ATXN1: variants seen among roughly 807,000 people sequenced by gnomAD.
The protein encoded by ATXN1 is ataxin 1, also known as ataxin-1.
In ATXN1, 8 loss-of-function variants were observed where a neutral mutation model predicts 56.4. The ratio of observed to expected loss-of-function variants is 0.14; its 90% CI spans 0.08 to 0.26. ATXN1 has a LOEUF of 0.26. Among genes scored for constraint, ATXN1 ranks in the 10% least tolerant of loss-of-function variants. The probability of loss-of-function intolerance (pLI) is 1.00; values close to 1 mark genes in which losing one functional copy is unlikely to be tolerated. For missense variants in ATXN1, 987 were observed against 1,106.5 expected, an observed-to-expected ratio of 0.89 and a Z score of 1.53; for synonymous variants, 514 against 494.6, an observed-to-expected ratio of 1.04 and a Z score of -0.52.
In ATXN1 at chr6:16,563,475, C is replaced by T. The variant is rs73368754; in HGVS notation, c.-361+22305G>A. ...CTAGGCTGGTTAGGGGGCAGGAATA[C>T]GGAGCCTGAAGAAAGTGGCTATAGT... On this transcript the variant is annotated intron_variant, in intron 4 of 7. Coordinates refer to ENST00000436367, the MANE Select transcript of ATXN1 (RefSeq NM_001128164.2). 3.4e-3 allele frequency among the ~76,000 whole-genome samples: 513 copies of T among 152,124 alleles called. 1 individual carries two copies. The highest frequency in any genetic ancestry group is 0.012 in the African/African-American group (482 of 41,480).
At chr6:16,703,877 G>C (rs1021131265) in intron 2 of ATXN1, among the ~76,000 whole-genome samples, 2 of 152,180 alleles carry the variant, frequency 1.3e-5, no homozygotes, top group Non-Finnish European at 2.9e-5. Context: ...AAACTAGCTG[G>C]GTGTGATGGC....
chr6:16,323,065 T>C lies in ATXN1; in HGVS notation c.1917+3329A>G, dbSNP rs111712243. Among the ~76,000 whole-genome samples, 321 of 152,300 alleles carry C rather than the reference T, an allele frequency of 2.1e-3. 1 individual carries two copies. Among genetic ancestry groups the C allele is most frequent in the African/African-American group, 7.6e-3 (315 of 41,562 alleles). On this transcript the variant is annotated intron_variant, in intron 7 of 7. Coordinates refer to ENST00000436367, the MANE Select transcript of ATXN1 (RefSeq NM_001128164.2). ...CACTTCTACCTGCTCGTCTGCACCC[T>C]GGCTGTCAGTAGAGAGATTTAGTGA...
At position 16,502,727 on chromosome 6, in the gene ATXN1, C is replaced by T. The variant is rs1760907588; in HGVS notation, c.-298-16618G>A. 2.6e-5 allele frequency among the ~76,000 whole-genome samples: 4 copies of T among 152,180 alleles called. No individual in the cohort carries two copies. In the South Asian group the frequency reaches 8.3e-4, roughly 31 times the overall value. On this transcript the variant is annotated intron_variant, in intron 5 of 7. Coordinates refer to ENST00000436367, the MANE Select transcript of ATXN1 (RefSeq NM_001128164.2). ...GAAAACTCAGAAAAAATAATTATTA[C>T]AGTCCAATCGCACACAAAGAAAAGT... is the stretch of plus-strand genomic sequence containing the variant.
At chr6:16,741,968 G>T (rs372709403) in intron 2 of ATXN1, among the ~76,000 whole-genome samples, 1 of 152,158 alleles carries the variant, frequency 6.6e-6, no homozygotes, top group Non-Finnish European at 1.5e-5. Context: ...GGTTCAAGGG[G>T]TTACAGAGGC....
intron 6 of ATXN1, among the ~76,000 whole-genome samples, chr6:16,384,092 C>T (rs1758189877): frequency 6.6e-6 from 1 of 152,172 alleles, no homozygotes; most frequent in Non-Finnish European, 1.5e-5. Flanking sequence ...CACCTGATTG[C>T]AACATATATA....
intron 6 of ATXN1, among the ~76,000 whole-genome samples, chr6:16,367,333 T>C (rs1761942108): frequency 1.3e-5 from 1 of 79,144 alleles, no homozygotes; most frequent in East Asian, 3.9e-4. Flanking sequence ...AAGATTCTGT[T>C]TCTCTCTCTC....
intron 6 of ATXN1, among the ~76,000 whole-genome samples, chr6:16,478,157 A>G (rs1458612066): frequency 6.6e-6 from 1 of 152,192 alleles, no homozygotes; most frequent in Non-Finnish European, 1.5e-5. Flanking sequence ...TCTGTCCCCT[A>G]TAGCAAGTGA....
At position 16,314,595 on chromosome 6, in the gene ATXN1, T is replaced by C. The variant is rs76853695; in HGVS notation, c.1918-7736A>G. 2.3e-3 allele frequency among the ~76,000 whole-genome samples: 345 copies of C among 152,256 alleles called. 1 individual carries two copies. Among genetic ancestry groups the C allele is most frequent in the African/African-American group, 8.0e-3 (332 of 41,542 alleles). Reference sequence around the variant, plus strand: ...ATATGGGTATTCTCTATGATGCTGATAGCTTCAAAATATTGTTATTATTAT... The same window carrying C: ...ATATGGGTATTCTCTATGATGCTGACAGCTTCAAAATATTGTTATTATTAT... On this transcript the variant is annotated intron_variant, in intron 7 of 7. Coordinates refer to ENST00000436367, the MANE Select transcript of ATXN1 (RefSeq NM_001128164.2).
In ATXN1 at chr6:16,326,389, G is replaced by A. The variant is rs764179497; in HGVS notation, c.1917+5C>T. The A allele has an allele frequency of 2.3e-5, 37 of 1,612,252 alleles. No individual in the cohort carries two copies. The Middle Eastern group carries it at 4.9e-4, about 22-fold the overall frequency. On this transcript the variant is annotated splice_donor_5th_base_variant and intron_variant, in intron 7 of 7. Coordinates refer to ENST00000436367, the MANE Select transcript of ATXN1 (RefSeq NM_001128164.2). This position sits in a 1 kb window ranked among gnomAD's most constrained non-coding sequence, Gnocchi z 6.6. ...CCATCCCTGTGCCACCCTGGCTAAC[G>A]TTACCTGGGCTCGGTGCTCCCCGAC...
At chr6:16,626,190 A>C in intron 3 of ATXN1, among the ~76,000 whole-genome samples, 1 of 152,242 alleles carries the variant, frequency 6.6e-6, no homozygotes, top group East Asian at 1.9e-4. Context: ...AGCTGGCTGC[A>C]TATTATTGCA....
At chr6:16,358,143 C>G (rs1761729450) in intron 6 of ATXN1, among the ~76,000 whole-genome samples, 1 of 151,820 alleles carries the variant, frequency 6.6e-6, no homozygotes, top group African/African-American at 2.4e-5. Context: ...GCAAAAATGG[C>G]CATAATAAAA....
chr6:16,456,974 C>G (rs146357374), intron 6 of ATXN1, among the ~76,000 whole-genome samples: 165 of 152,314 alleles, frequency 1.1e-3, no homozygotes, highest in Admixed American at 1.8e-3. Context: ...TATATCCTTC[C>G]TATTCATATG....
At chr6:16,542,758 T>C (rs1761739445) in intron 4 of ATXN1, among the ~76,000 whole-genome samples, 1 of 152,350 alleles carries the variant, frequency 6.6e-6, no homozygotes, top group African/African-American at 2.4e-5. Flanking sequence ...CCTTTATGTA[T>C]ATCTACTATG....
intron 3 of ATXN1, among the ~76,000 whole-genome samples, chr6:16,637,320 G>A (rs1269133678): frequency 6.7e-6 from 1 of 148,430 alleles, no homozygotes; most frequent in African/African-American, 2.5e-5. Context: ...CACAGGAAGG[G>A]GAACATCGCA....
rs1279312993 is a variant in ATXN1, at chr6:16,300,176, G to T, written c.*6153C>A. 2 of 152,598 alleles carry T rather than the reference G, an allele frequency of 1.3e-5. No homozygotes were observed. The highest frequency in any genetic ancestry group is 2.9e-5 in the Non-Finnish European group (2 of 68,038). The allele number at this position is 152,598 out of a possible 1,614,324, so 9.5% of individuals were successfully genotyped here. ...ACAAACTAAAGGGAAAGAAAACGTG[G>T]GTGAAGCCTCCAATGTATCTGCAGT... is the stretch of plus-strand genomic sequence containing the variant. On this transcript the variant is annotated 3_prime_UTR_variant, in exon 8 of 8. Coordinates refer to ENST00000436367, the MANE Select transcript of ATXN1 (RefSeq NM_001128164.2).
intron 4 of ATXN1, among the ~76,000 whole-genome samples, chr6:16,532,533 C>T (rs1761525226): frequency 6.6e-6 from 1 of 152,032 alleles, no homozygotes; most frequent in South Asian, 2.1e-4. Flanking sequence ...AAACAAATAC[C>T]TTGATTAAAA....
chr6:16,721,594 TCCA>T, intron 2 of ATXN1, among the ~76,000 whole-genome samples: 1 of 152,258 alleles, frequency 6.6e-6, no homozygotes, highest in East Asian at 1.9e-4. Flanking sequence ...GCCACTGCAC[TCCA>T]GCCAGGGTGA....
At chr6:16,554,187 C>T (rs1178973383) in intron 4 of ATXN1, among the ~76,000 whole-genome samples, 5 of 152,164 alleles carry the variant, frequency 3.3e-5, no homozygotes, top group African/African-American at 1.2e-4. Context: ...ATGATCAACT[C>T]CACACAAGAA....
chr6:16,523,023 T>A (rs1037676547), intron 4 of ATXN1, among the ~76,000 whole-genome samples: 1 of 152,184 alleles, frequency 6.6e-6, no homozygotes, highest in Non-Finnish European at 1.5e-5. Flanking sequence ...ATGTCCTCCA[T>A]GCCCACCATG....
Sources: gnomAD v4.1 joint callset for allele counts (sites outside exome capture counted in the v4.1 genomes callset) on GRCh38, gnomAD v4.1.1 for gene constraint, Gnocchi (gnomAD v3.1) non-coding constraint, MANE v1.5 for transcripts, NCBI Gene and HGNC (gene_info 2026-07-23, HGNC 2026-07-21) for gene names.